Variants in CARD10 observed in about 807,000 individuals in gnomAD.
The protein encoded by CARD10 is caspase recruitment domain family member 10, also known as caspase recruitment domain-containing protein 10.
CARD10 carries 49 observed loss-of-function variants against 114.6 expected under a neutral mutation model. The observed-to-expected ratio is 0.43, with a 90% CI of 0.34 to 0.54. The LOEUF (loss-of-function observed/expected upper bound fraction) is 0.54. CARD10 is among the 20% of genes least tolerant of loss of function. The pLI is 0.03. For missense variants in CARD10, 1,206 were observed against 1,397.2 expected (o/e 0.86, Z 2.18); for synonymous variants, 602 against 593.2 (o/e 1.01, Z -0.21).
chr22:37,507,864 C>G lies in CARD10; in HGVS notation c.1156G>C (p.Ala386Pro). The change falls in exon 6 of 20, where the codon GCC (alanine) becomes CCC (proline). Residue 386 changes from alanine to proline, a missense_variant. Transcript: ENST00000251973. ...TCCTTCTCAATCTCCTCCAGTTGGG[C>G]CAGGACAGTGGCCATGCGGTGCTTG... is the stretch of plus-strand genomic sequence containing the variant. ...LYKHRMATVL[A>P]QLEEIEKERD... The G allele has an allele frequency of 5.6e-6, 9 of 1,614,222 alleles. No individual in the cohort carries two copies. Among genetic ancestry groups the G allele is most frequent in the Non-Finnish European group, 7.6e-6 (9 of 1,180,028 alleles).
rs146425454 is a variant in CARD10 at position 37,491,840 on chromosome 22, G to C, written c.2779C>G (p.Arg927Gly). The C allele has an allele frequency of 3.5e-6, 5 of 1,429,876 alleles. No homozygotes were observed. The highest frequency in any genetic ancestry group is 4.7e-6 in the Non-Finnish European group (5 of 1,066,402). 88.6% of individuals were successfully genotyped at this position (1,429,876 alleles called of 1,614,324 possible). ...TTCTGCACCAGCTCCCGCACACCCCGAGCACCCAGCTCCAGCAGGCAGTGC... is the reference window on the plus strand; with the variant it reads ...TTCTGCACCAGCTCCCGCACACCCCCAGCACCCAGCTCCAGCAGGCAGTGC... ...KKHCLLELGA[R>G]GVRELVQNEI... Residue 927 changes from arginine to glycine, a missense_variant, in exon 19 of 20, where the codon CGG becomes GGG. Transcript: ENST00000251973.
Position 37,516,155 on chromosome 22 carries a change from G to A in CARD10, c.517C>T (p.Gln173Ter). Reference protein sequence around the residue: ...VLEEERAGLEQRLRDQQQAQE... With the variant: ...VLEEERAGLE ...GCCTGCTGCTGGTCCCGCAGCCGCT[G>A]CTCCAGCCCTGCCCGCTCCTCCTCG... The change falls in exon 3 of 20, where the codon CAG becomes TAG. Residue 173 changes from glutamine to a stop codon, truncating the protein, a stop_gained. Transcript: ENST00000251973. LOFTEE classifies it high-confidence loss of function. 6.3e-7 allele frequency: 1 copy of A among 1,595,076 alleles called. No homozygotes were observed. Among genetic ancestry groups the A allele is most frequent in the Non-Finnish European group, 8.5e-7 (1 of 1,171,356 alleles).
At chr22:37,497,980 G>A (rs944289927) in intron 11 of CARD10, among the ~76,000 whole-genome samples, 8 of 152,126 alleles carry the variant, frequency 5.3e-5, no homozygotes, top group African/African-American at 1.7e-4. Flanking sequence ...CACGGAAGAA[G>A]TACCTAGGCT....
At chr22:37,493,398 C>T (rs1224199002) in intron 16 of CARD10, among the ~76,000 whole-genome samples, 1 of 152,218 alleles carries the variant, frequency 6.6e-6, no homozygotes, top group Admixed American at 6.5e-5. Context: ...CTCACACTCT[C>T]TCATTGTGTT....
In CARD10 at chr22:37,519,376, C is replaced by A. The variant is rs1168147810; in HGVS notation, c.-176G>T. The A allele has an allele frequency of 8.2e-7, 1 of 1,219,196 alleles. No homozygotes were observed. The allele number at this position is 1,219,196 out of a possible 1,614,324, so 75.5% of individuals were successfully genotyped here. The stretch of plus-strand genomic sequence containing the variant: ...CTACAGTCGCCTCGGGCTCCCGGGT[C>A]CGCACTCGGGCGGCGGCTCCGCCGG... On this transcript the variant is annotated 5_prime_UTR_variant, in exon 1 of 20. Transcript: ENST00000251973. The surrounding 1 kb of genome is among the most constrained non-coding windows in gnomAD (Gnocchi z 4.1).
At position 37,491,048 on chromosome 22, in the gene CARD10, G is replaced by T. The variant is rs1922750703; in HGVS notation, c.*111C>A. 2.3e-6 allele frequency: 2 copies of T among 859,346 alleles called. No individual in the cohort carries two copies. Among genetic ancestry groups the T allele is most frequent in the Non-Finnish European group, 3.6e-6 (2 of 554,112 alleles). The allele number at this position is 859,346 out of a possible 1,614,324, so 53.2% of individuals were successfully genotyped here. A position where few individuals can be genotyped will look rare whatever the true frequency, so the allele number is the denominator to read the frequency against. ...GTGAGAGGCCAGAGCCAAGGGCCCT[G>T]CATCTGAGAGTCCAAGGGTCTAGGA... On this transcript the variant is annotated 3_prime_UTR_variant, in exon 20 of 20. Transcript: ENST00000251973.
At chr22:37,502,773 A>G (rs1923264174) in intron 10 of CARD10, 48 bp from the exon 11 acceptor site, 1 of 1,593,354 alleles carries the variant, frequency 6.3e-7, no homozygotes. Context: ...GGAAACAGGG[A>G]TGGCCAGGGT....
Position 37,519,383 on chromosome 22 carries a change from C to G in CARD10, c.-183G>C. On this transcript the variant is annotated 5_prime_UTR_variant, in exon 1 of 20. Coordinates refer to ENST00000251973, the MANE Select transcript of CARD10 (RefSeq NM_014550.4). The surrounding 1 kb of genome is among the most constrained non-coding windows in gnomAD (Gnocchi z 4.1). ...CGCCTCGGGCTCCCGGGTCCGCACT[C>G]GGGCGGCGGCTCCGCCGGCGCAGGG... 1 of 1,211,854 alleles carries G rather than the reference C, an allele frequency of 8.3e-7. No individual in the cohort carries two copies. Among genetic ancestry groups the G allele is most frequent in the Non-Finnish European group, 1.0e-6 (1 of 975,706 alleles). 75.1% of individuals were successfully genotyped at this position (1,211,854 alleles called of 1,614,324 possible).
chr22:37,513,706 G>A (rs1197765251), intron 3 of CARD10, among the ~76,000 whole-genome samples: 1 of 152,088 alleles, frequency 6.6e-6, no homozygotes, highest in Non-Finnish European at 1.5e-5. Context: ...CAAGCCCCAT[G>A]TCTGTTTCAG....
intron 9 of CARD10, 27 bp from the exon 10 acceptor site, chr22:37,503,240 G>A (rs913264266): frequency 6.2e-7 from 1 of 1,605,516 alleles, no homozygotes; most frequent in Non-Finnish European, 8.5e-7. Context: ...CAGGGAGGGG[G>A]CAGGAGGTGA....
chr22:37,506,138 C>T, intron 7 of CARD10, 54 bp downstream of exon 7: 1 of 1,380,258 alleles, frequency 7.2e-7, no homozygotes, highest in Non-Finnish European at 9.6e-7. Flanking sequence ...GCCAAGAGCT[C>T]CTGCCAGGAC....
chr22:37,502,630 G>A lies in CARD10; in HGVS notation c.1759C>T (p.Arg587Trp), dbSNP rs1039088798. The A allele has an allele frequency of 1.5e-5, 24 of 1,613,778 alleles. No individual in the cohort carries two copies. The highest frequency in any genetic ancestry group is 1.9e-5 in the Non-Finnish European group (22 of 1,179,970). Residue 587 changes from arginine (R) to tryptophan (W), a missense_variant, in exon 11 of 20, where the codon CGG becomes TGG. Arg to Trp is a moderately radical substitution (Grantham distance 101, BLOSUM62 -3). This residue lies in a region of CARD10 where 1,068 missense variants were observed against 1,179.1 expected (regional missense o/e 0.91). Coordinates refer to ENST00000251973, the MANE Select transcript of CARD10 (RefSeq NM_014550.4). ...TTGAGGAAGTCCAGGCCACAGCCCCGAGCCAGGAGGCCTTCCGGCTTTCCC... is the reference window on the plus strand; with the variant it reads ...TTGAGGAAGTCCAGGCCACAGCCCCAAGCCAGGAGGCCTTCCGGCTTTCCC... ...PLGKPEGLLA[R>W]GCGLDFLNRS...
At chr22:37,508,786 C>T (rs1923507820) in intron 4 of CARD10, 104 bp from the exon 5 acceptor site, 1 of 1,315,012 alleles carries the variant, frequency 7.6e-7, no homozygotes, top group Non-Finnish European at 1.0e-6. Flanking sequence ...ACCCACCTGA[C>T]CAGCTCTGCC....
chr22:37,511,007 A>C (rs1363390530), intron 3 of CARD10, among the ~76,000 whole-genome samples: 3 of 151,232 alleles, frequency 2.0e-5, no homozygotes, highest in Non-Finnish European at 4.4e-5. Context: ...ATTTGAACCC[A>C]GGAGATGGAG....
At chr22:37,505,725 C>G (rs1923382928) in intron 7 of CARD10, among the ~76,000 whole-genome samples, 2 of 152,038 alleles carry the variant, frequency 1.3e-5, no homozygotes, top group Admixed American at 6.5e-5. Context: ...GACTCCAGCT[C>G]CAGTGCTAGC....
At chr22:37,516,722 C>T (rs1432500892) in intron 2 of CARD10, among the ~76,000 whole-genome samples, 1 of 152,138 alleles carries the variant, frequency 6.6e-6, no homozygotes, top group African/African-American at 2.4e-5. Context: ...AACCTATCAA[C>T]AATAATTACA....
chr22:37,500,359 C>T lies in CARD10; in HGVS notation c.1787+2243G>A, dbSNP rs566198438. On this transcript the variant is annotated intron_variant, in intron 11 of 19. Transcript: ENST00000251973. ...CAGTGGTGAGGCTATGCTGGGGAGA[C>T]GGCACCCCGAAACCCTCCAGTGCTC... 5.9e-3 allele frequency among the ~76,000 whole-genome samples: 892 copies of T among 152,230 alleles called. 8 individuals are homozygous for T. Among genetic ancestry groups the T allele is most frequent in the African/African-American group, 0.018 (764 of 41,524 alleles).
chr22:37,500,843 G>C (rs533400539), intron 11 of CARD10, among the ~76,000 whole-genome samples: 1 of 152,078 alleles, frequency 6.6e-6, no homozygotes, highest in Non-Finnish European at 1.5e-5. Context: ...AACTAACCGC[G>C]AGCATATGCT....
intron 3 of CARD10, among the ~76,000 whole-genome samples, chr22:37,513,110 T>A (rs1190027315): frequency 6.6e-6 from 1 of 152,104 alleles, no homozygotes; most frequent in African/African-American, 2.4e-5. Flanking sequence ...TTTCACTTCT[T>A]TTTTTGTTGT....
Sources: allele counts gnomAD v4.1 joint callset (sites outside exome capture counted in the v4.1 genomes callset), GRCh38; gene constraint gnomAD v4.1.1; regional missense constraint gnomAD v4.1.1; non-coding constraint Gnocchi (gnomAD v3.1); transcripts MANE v1.5; gene names NCBI Gene and HGNC (gene_info 2026-07-23, HGNC 2026-07-21).